The following TMPRSS7 variants were observed in gnomAD, a reference collection of about 807,000 sequenced individuals.
TMPRSS7 encodes the protein transmembrane serine protease 7.
Under a neutral mutation model 95.6 loss-of-function variants are expected in TMPRSS7, and 81 were observed. That is an observed-to-expected ratio of 0.85 (90% CI 0.71 to 1.02). TMPRSS7 has a LOEUF of 1.02. Ranked by LOEUF, TMPRSS7 falls within the 50% of genes least tolerant of loss-of-function variation. The pLI is 0.00. For synonymous variants in TMPRSS7, 364 were observed against 337.8 expected (o/e 1.08, Z -0.85); for missense variants, 945 against 955.2 (o/e 0.99, Z 0.14).
exon 17 of TMPRSS7, chr3:112,078,770 A>T (rs200648060): frequency 3.5e-5 from 56 of 1,614,094 alleles, no homozygotes; most frequent in Non-Finnish European, 4.7e-5. Flanking sequence ...TTCTGCAGCA[A>T]GCGGAGGTAG....
intron 13 of TMPRSS7, among the ~76,000 whole-genome samples, chr3:112,073,338 C>T (rs998387947): frequency 6.6e-6 from 1 of 152,098 alleles, no homozygotes; most frequent in Non-Finnish European, 1.5e-5. Context: ...AGGCAATCCA[C>T]CCGCCTCAGC....
At chr3:112,059,067 C>A (rs2107750320) in intron 10 of TMPRSS7, among the ~76,000 whole-genome samples, 1 of 152,280 alleles carries the variant, frequency 6.6e-6, no homozygotes, top group South Asian at 2.1e-4. Flanking sequence ...GTAATCCTGA[C>A]TGGAAGAAGC....
chr3:112,048,863 A>G (rs1166977161), intron 7 of TMPRSS7, among the ~76,000 whole-genome samples: 1 of 152,192 alleles, frequency 6.6e-6, no homozygotes, highest in Non-Finnish European at 1.5e-5. Flanking sequence ...TATGAGGAGC[A>G]TACTATTATT....
intron 11 of TMPRSS7, 118 bp downstream of exon 11, chr3:112,062,041 T>A: frequency 3.7e-6 from 2 of 541,572 alleles, no homozygotes; most frequent in African/African-American, 2.0e-5. Context: ...CTATTTCCTT[T>A]TACATACTTA....
intron 2 of TMPRSS7, among the ~76,000 whole-genome samples, chr3:112,041,497 C>T (rs536805326): frequency 6.6e-6 from 1 of 152,240 alleles, no homozygotes; most frequent in African/African-American, 2.4e-5. Flanking sequence ...CCCTTCCTTC[C>T]CTCAAATGTT....
At chr3:112,041,952 G>T (rs1354793110) in exon 3 of TMPRSS7, 1 of 1,551,328 alleles carries the variant, frequency 6.4e-7, no homozygotes, top group Non-Finnish European at 8.7e-7. Context: ...TTTTTACTTT[G>T]CTGGGATGTT....
intron 10 of TMPRSS7, 128 bp from the exon 11 acceptor site, chr3:112,061,659 T>C (rs1375419674): frequency 4.1e-6 from 4 of 983,986 alleles, no homozygotes; most frequent in Non-Finnish European, 5.9e-6. Context: ...ATAACTACCA[T>C]TAGCTCTACC....
chr3:112,043,535 T>C (rs1340765878), intron 3 of TMPRSS7, among the ~76,000 whole-genome samples: 1 of 152,254 alleles, frequency 6.6e-6, no homozygotes, highest in African/African-American at 2.4e-5. Flanking sequence ...CAGCTTATAT[T>C]GTTTCCACTA....
intron 13 of TMPRSS7, among the ~76,000 whole-genome samples, chr3:112,068,804 T>C (rs373289101): frequency 2.0e-4 from 30 of 152,194 alleles, no homozygotes; most frequent in East Asian, 1.3e-3. Context: ...CCTAATCGAA[T>C]ACCCTTTACT....
intron 14 of TMPRSS7, among the ~76,000 whole-genome samples, chr3:112,074,881 A>G (rs942065729): frequency 1.3e-5 from 2 of 152,166 alleles, no homozygotes; most frequent in Admixed American, 6.5e-5. Flanking sequence ...TACCAATACT[A>G]TTTACACTAG....
chr3:112,062,673 C>T (rs546928743), intron 11 of TMPRSS7, among the ~76,000 whole-genome samples: 15 of 152,266 alleles, frequency 9.9e-5, no homozygotes, highest in African/African-American at 3.6e-4. Context: ...TTACAGTTTC[C>T]AGCAGAGTCA....
chr3:112,034,921 T>C (rs781737594), intron 1 of TMPRSS7, 28 bp downstream of exon 1: 1 of 702,824 alleles, frequency 1.4e-6, no homozygotes, highest in Non-Finnish European at 2.6e-6. Flanking sequence ...AACTTTCTCT[T>C]ACTTGAATGC....
At chr3:112,048,586 A>C (rs1315046709) in intron 7 of TMPRSS7, among the ~76,000 whole-genome samples, 14 of 152,206 alleles carry the variant, frequency 9.2e-5, no homozygotes, top group African/African-American at 2.9e-4. Context: ...ATTAGGCTTC[A>C]TTAAGAAATT....
chr3:112,078,926 A>T, intron 17 of TMPRSS7, 48 bp downstream of exon 17: 1 of 1,597,824 alleles, frequency 6.3e-7, no homozygotes. Context: ...GCTTTCCATA[A>T]ATGCTTTCTC....
chr3:112,068,246 A>T (rs1353131501), intron 13 of TMPRSS7, among the ~76,000 whole-genome samples: 2 of 152,190 alleles, frequency 1.3e-5, no homozygotes, highest in Admixed American at 1.3e-4. Context: ...TATAATTTGA[A>T]ATCAGGTAGC....
intron 17 of TMPRSS7, among the ~76,000 whole-genome samples, chr3:112,079,489 A>G (rs951059832): frequency 6.6e-6 from 1 of 152,234 alleles, no homozygotes; most frequent in African/African-American, 2.4e-5. Context: ...ATGCAGCCCA[A>G]CACAAATTCA....
chr3:112,068,701 A>G (rs1335497213), intron 13 of TMPRSS7, among the ~76,000 whole-genome samples: 2 of 152,208 alleles, frequency 1.3e-5, no homozygotes, highest in African/African-American at 2.4e-5. Context: ...GAAATTGCTT[A>G]TCAGCTTAAG....
At chr3:112,053,439 T>C (rs1220239190) in intron 9 of TMPRSS7, among the ~76,000 whole-genome samples, 1 of 152,174 alleles carries the variant, frequency 6.6e-6, no homozygotes, top group Non-Finnish European at 1.5e-5. Flanking sequence ...CACTCAACAA[T>C]GCTTATTAAA....
At chr3:112,045,426 G>A (rs1355168728) in intron 4 of TMPRSS7, among the ~76,000 whole-genome samples, 1 of 152,200 alleles carries the variant, frequency 6.6e-6, no homozygotes, top group African/African-American at 2.4e-5. Flanking sequence ...GGGATTACAG[G>A]CGTGAGCCAC....
Sources: allele counts gnomAD v4.1 joint callset (sites outside exome capture counted in the v4.1 genomes callset), GRCh38; gene constraint gnomAD v4.1.1; transcripts MANE v1.5; gene names NCBI Gene and HGNC (gene_info 2026-07-23, HGNC 2026-07-21).